GPC5: variants seen among roughly 807,000 people sequenced by gnomAD.
GPC5 encodes glypican-5.
Under a neutral mutation model 53.9 loss-of-function variants are expected in GPC5, and 47 were observed. The ratio of observed to expected loss-of-function variants is 0.87; its 90% CI spans 0.69 to 1.11. The LOEUF (loss-of-function observed/expected upper bound fraction) is 1.11. Among genes scored for constraint, GPC5 ranks in the 50% most tolerant of loss-of-function variants. GPC5 has a pLI of 0.00. For missense variants in GPC5, 748 were observed against 713.1 expected (o/e 1.05, Z -0.56); for synonymous variants, 286 against 263.3 (o/e 1.09, Z -0.84).
At chr13:91,917,413 C>A (rs1444198318) in intron 6 of GPC5, among the ~76,000 whole-genome samples, 1 of 152,168 alleles carries the variant, frequency 6.6e-6, no homozygotes, top group Non-Finnish European at 1.5e-5. Context: ...CAGCTGCTTT[C>A]GTGGGCTGGC....
chr13:91,798,404 A>T (rs145993369), intron 5 of GPC5, among the ~76,000 whole-genome samples: 1 of 152,050 alleles, frequency 6.6e-6, no homozygotes, highest in Non-Finnish European at 1.5e-5. Flanking sequence ...ATGTGTTCTC[A>T]TCATTCAGCT....
chr13:91,946,644 C>A lies in GPC5; in HGVS notation c.1401+38587C>A, dbSNP rs1002400839. On this transcript the variant is annotated intron_variant, in intron 6 of 7. Coordinates refer to ENST00000377067, the MANE Select transcript of GPC5 (RefSeq NM_004466.6). ...TCAGATTGCATGTTACGTGACAGCC[C>A]CGGTAAGTCTAGTGAATGAACAGCA... Among the ~76,000 whole-genome samples, 3 of 152,030 alleles carry A rather than the reference C, an allele frequency of 2.0e-5. No homozygotes were observed. The East Asian group carries it at 5.8e-4, about 29-fold the overall frequency.
intron 7 of GPC5, among the ~76,000 whole-genome samples, chr13:92,665,346 G>A (rs1033127313): frequency 5.9e-5 from 9 of 152,136 alleles, no homozygotes; most frequent in Non-Finnish European, 1.2e-4. Flanking sequence ...TCTAAGAAAG[G>A]AAAGGTGCTT....
Position 92,325,259 on chromosome 13 carries a change from C to T in GPC5, c.1561+180270C>T, listed in dbSNP as rs557812449. Among the ~76,000 whole-genome samples, 35 of 152,000 alleles carry T rather than the reference C, an allele frequency of 2.3e-4. No homozygotes were observed. The South Asian group carries it at 2.7e-3, about 12-fold the overall frequency. ...ATTAAGTGGATATAGAAAGTTACTA[C>T]GGATCAGAGGAAAGTGAAGGGACAG... On this transcript the variant is annotated intron_variant, in intron 7 of 7. Coordinates refer to ENST00000377067, the MANE Select transcript of GPC5 (RefSeq NM_004466.6).
At chr13:92,798,386 G>A (rs930915465) in intron 7 of GPC5, among the ~76,000 whole-genome samples, 95 of 151,776 alleles carry the variant, frequency 6.3e-4, no homozygotes, top group African/African-American at 2.2e-3. Context: ...CAAATATAAT[G>A]CTTTTTTCTG....
rs1216953228 is a variant in GPC5, at chr13:92,866,863, TA to T, written c.*425del. ...ATTTCTTAAAGTATTGAAATTAGAATATCATGAAATAAATCAAAACATACAA... is the reference window on the plus strand; with the variant it reads ...ATTTCTTAAAGTATTGAAATTAGAATTCATGAAATAAATCAAAACATACAA... On this transcript the variant is annotated 3_prime_UTR_variant, in exon 8 of 8. Transcript: ENST00000377067. 1 of 152,668 alleles carries T rather than the reference TA, an allele frequency of 6.6e-6. No homozygotes were observed. The highest frequency in any genetic ancestry group is 6.5e-5 in the Admixed American group (1 of 15,284). The allele number at this position is 152,668 out of a possible 1,614,324, so 9.5% of individuals were successfully genotyped here. A position where few individuals can be genotyped will look rare whatever the true frequency, so the allele number is the denominator to read the frequency against.
chr13:91,565,450 C>G (rs530820668), intron 2 of GPC5, among the ~76,000 whole-genome samples: 1 of 152,220 alleles, frequency 6.6e-6, no homozygotes, highest in Non-Finnish European at 1.5e-5. Context: ...AGGCAGACAT[C>G]GGATAATATT....
At position 92,594,061 on chromosome 13, in the gene GPC5, G is replaced by A. The variant is rs142831917; in HGVS notation, c.1562-272221G>A. Among the ~76,000 whole-genome samples the A allele has an allele frequency of 4.6e-5, 7 of 152,282 alleles. No homozygotes were observed. In the East Asian group the frequency reaches 1.4e-3, roughly 29 times the overall value. On this transcript the variant is annotated intron_variant, in intron 7 of 7. Coordinates refer to ENST00000377067, the MANE Select transcript of GPC5 (RefSeq NM_004466.6). ...ATTTTACAATCTGGCAACAAATGGA[G>A]TGGTAGTAACTGATTCAGTAGGCCA... is the stretch of plus-strand genomic sequence containing the variant.
chr13:92,506,618 T>C (rs1880378509), intron 7 of GPC5, among the ~76,000 whole-genome samples: 1 of 152,100 alleles, frequency 6.6e-6, no homozygotes, highest in African/African-American at 2.4e-5. Flanking sequence ...CTGAGGAAAT[T>C]TCAGAGAGTG....
At chr13:91,911,389 C>T (rs1334255897) in intron 6 of GPC5, among the ~76,000 whole-genome samples, 4 of 151,814 alleles carry the variant, frequency 2.6e-5, no homozygotes, top group African/African-American at 7.3e-5. Flanking sequence ...ACTAAAAATA[C>T]AAAAATTAGC....
At chr13:92,334,688 C>A (rs1339378835) in intron 7 of GPC5, among the ~76,000 whole-genome samples, 1 of 152,116 alleles carries the variant, frequency 6.6e-6, no homozygotes, top group Non-Finnish European at 1.5e-5. Context: ...AATGGGAGTA[C>A]AGGCATTGGG....
Position 92,321,602 on chromosome 13 carries a change from A to AACATACAT in GPC5, c.1561+176653_1561+176660dup, listed in dbSNP as rs34397471. Reference sequence around the variant, plus strand: ...TGGGACAGAGCGAGACTCCATCTCAAACATACATACATACATACATACATA... The same window carrying AACATACAT: ...TGGGACAGAGCGAGACTCCATCTCAAACATACATACATACATACATACATACATACATA... On this transcript the variant is annotated intron_variant, in intron 7 of 7. Transcript: ENST00000377067. Among the ~76,000 whole-genome samples the AACATACAT allele has an allele frequency of 2.8e-3, 425 of 150,634 alleles. 1 individual carries two copies. The highest frequency in any genetic ancestry group is 4.2e-3 in the East Asian group (21 of 5,026).
chr13:92,162,974 G>A (rs1482649179), intron 7 of GPC5, among the ~76,000 whole-genome samples: 1 of 151,902 alleles, frequency 6.6e-6, no homozygotes, highest in Non-Finnish European at 1.5e-5. Context: ...TAGACTATGA[G>A]CTTCTAAAAA....
At chr13:91,860,822 T>C (rs1010725074) in intron 5 of GPC5, among the ~76,000 whole-genome samples, 1 of 152,208 alleles carries the variant, frequency 6.6e-6, no homozygotes, top group African/African-American at 2.4e-5. Context: ...ATTTTCTTTA[T>C]CCACTCATCT....
intron 1 of GPC5, among the ~76,000 whole-genome samples, chr13:91,437,311 T>C (rs563382703): frequency 2.0e-5 from 3 of 152,392 alleles, no homozygotes; most frequent in Admixed American, 1.3e-4. Flanking sequence ...GGCATGTTTT[T>C]GCAGTGGCTG....
intron 7 of GPC5, among the ~76,000 whole-genome samples, chr13:92,548,765 T>C (rs368646798): frequency 1.1e-4 from 16 of 152,168 alleles, no homozygotes; most frequent in African/African-American, 3.9e-4. Flanking sequence ...TTTCTTGGTT[T>C]TATTTCTTGG....
At chr13:91,845,978 T>G (rs2038844565) in intron 5 of GPC5, among the ~76,000 whole-genome samples, 1 of 152,216 alleles carries the variant, frequency 6.6e-6, no homozygotes, top group Non-Finnish European at 1.5e-5. Flanking sequence ...GTTAATACTT[T>G]AACTGGGGCT....
At chr13:91,911,496 T>C (rs1412673314) in intron 6 of GPC5, among the ~76,000 whole-genome samples, 2 of 152,144 alleles carry the variant, frequency 1.3e-5, no homozygotes, top group Non-Finnish European at 2.9e-5. Flanking sequence ...TGAGCCAAGA[T>C]GGCACCACTG....
At chr13:91,743,674 A>T (rs2036985090) in intron 4 of GPC5, among the ~76,000 whole-genome samples, 1 of 152,158 alleles carries the variant, frequency 6.6e-6, no homozygotes, top group South Asian at 2.1e-4. Flanking sequence ...TAGTAGAAAA[A>T]ATTGTGTCTC....
Sources: gnomAD v4.1 joint callset for allele counts (sites outside exome capture counted in the v4.1 genomes callset) on GRCh38, gnomAD v4.1.1 for gene constraint, MANE v1.5 for transcripts, NCBI Gene and HGNC (gene_info 2026-07-23, HGNC 2026-07-21) for gene names.